The following NAA11 variants were observed in gnomAD, a reference collection of about 807,000 sequenced individuals.
The protein encoded by NAA11 is N-alpha-acetyltransferase 11, NatA catalytic subunit, also known as N-alpha-acetyltransferase 11.
A neutral mutation model predicts 16.1 loss-of-function variants in NAA11; 15 were observed. The observed-to-expected ratio is 0.93, with a 90% CI of 0.62 to 1.44. NAA11 has a LOEUF of 1.44. Ranked by LOEUF, NAA11 falls within the 40% of genes most tolerant of loss-of-function variation. NAA11 has a pLI of 0.00. For missense variants in NAA11, 298 were observed against 291.3 expected (o/e 1.02, Z -0.17); for synonymous variants, 122 against 112.4 (o/e 1.09, Z -0.54).
chr4:79,301,757 A>G (rs1443144196), intron 1 of NAA11, among the ~76,000 whole-genome samples: 1 of 152,210 alleles, frequency 6.6e-6, no homozygotes, highest in Non-Finnish European at 1.5e-5. Context: ...AGCCAAATCC[A>G]TTTTATAATA....
chr4:79,195,926 C>G, the NAA11 span: 1 of 153,126 alleles, frequency 6.5e-6, no homozygotes, highest in Non-Finnish European at 1.5e-5. Context: ...GCCAGCCATG[C>G]TGAACTGTGA....
intron 2 of NAA11, among the ~76,000 whole-genome samples, chr4:79,228,516 C>A (rs193023758): frequency 6.6e-6 from 1 of 151,918 alleles, no homozygotes; most frequent in Non-Finnish European, 1.5e-5. Context: ...CACTTTATGT[C>A]CCTAACATTT....
the NAA11 span, among the ~76,000 whole-genome samples, chr4:79,203,760 T>C: frequency 6.6e-6 from 1 of 151,288 alleles, no homozygotes; most frequent in Non-Finnish European, 1.5e-5. Flanking sequence ...AAAAAGCAAG[T>C]AAACTGAAAA....
downstream of NAA11, among the ~76,000 whole-genome samples, chr4:79,311,939 C>T (rs904231286): frequency 2.6e-5 from 4 of 152,176 alleles, no homozygotes; most frequent in Non-Finnish European, 5.9e-5. Context: ...TCTCAAGTTC[C>T]ATATGTATGC....
intron 1 of NAA11, among the ~76,000 whole-genome samples, chr4:79,321,139 T>A (rs1273610687): frequency 6.6e-6 from 1 of 152,216 alleles, no homozygotes; most frequent in Non-Finnish European, 1.5e-5. Flanking sequence ...CAGGTGTTTA[T>A]GTAGACAACC....
intron 2 of NAA11, among the ~76,000 whole-genome samples, chr4:79,253,639 G>T (rs1158789681): frequency 1.3e-5 from 2 of 152,154 alleles, no homozygotes; most frequent in African/African-American, 4.8e-5. Flanking sequence ...TTTCAACAAA[G>T]AACTAGAAGT....
At chr4:79,257,950 C>T (rs1377416785) in intron 2 of NAA11, among the ~76,000 whole-genome samples, 1 of 152,194 alleles carries the variant, frequency 6.6e-6, no homozygotes, top group East Asian at 1.9e-4. Context: ...CACTACAAGA[C>T]AATATGAAGC....
At chr4:79,263,317 C>A (rs1291871865) in intron 2 of NAA11, among the ~76,000 whole-genome samples, 1 of 151,922 alleles carries the variant, frequency 6.6e-6, no homozygotes, top group African/African-American at 2.4e-5. Flanking sequence ...TGGATGTGTA[C>A]AAGTATGAGG....
rs1011922022 is a variant in NAA11, at chr4:79,291,584, C to T, written c.*122+2421G>A. On this transcript the variant is annotated intron_variant and NMD_transcript_variant, in intron 2 of 2. Transcript: ENST00000511542. ...TACTAAAAATACAAAATCAGCTGGG[C>T]GTGGTGGTGCATGCCTGTAATCCCA... Among the ~76,000 whole-genome samples the T allele has an allele frequency of 5.3e-5, 8 of 151,974 alleles. No homozygotes were observed. In the South Asian group the frequency reaches 6.2e-4, roughly 12 times the overall value.
At chr4:79,315,032 T>C (rs150564923), downstream of NAA11, among the ~76,000 whole-genome samples, 1 of 152,256 alleles carries the variant, frequency 6.6e-6, no homozygotes, top group African/African-American at 2.4e-5. Context: ...TAATCTATTA[T>C]TAAATGACCT....
At chr4:79,203,729 A>G in the NAA11 span, among the ~76,000 whole-genome samples, 2 of 151,976 alleles carry the variant, frequency 1.3e-5, no homozygotes, top group East Asian at 3.9e-4. Flanking sequence ...TATTAAAAAT[A>G]TCAGAAAATA....
chr4:79,217,072 T>A, the NAA11 span, among the ~76,000 whole-genome samples: 6 of 152,192 alleles, frequency 3.9e-5, no homozygotes. Flanking sequence ...TCCATGTGGT[T>A]TTATGGTAGA....
intron 2 of NAA11, among the ~76,000 whole-genome samples, chr4:79,247,033 G>A (rs1014484266): frequency 6.6e-6 from 1 of 152,166 alleles, no homozygotes; most frequent in Non-Finnish European, 1.5e-5. Flanking sequence ...AGGAATGTGA[G>A]TGAGGTCAAA....
rs17003703 is a variant in NAA11 at position 79,280,071 on chromosome 4, G to A, written c.*122+13934C>T. Among the ~76,000 whole-genome samples the A allele has an allele frequency of 6.2e-3, 944 of 152,100 alleles. 8 individuals carry two copies. Among genetic ancestry groups the A allele is most frequent in the African/African-American group, 0.021 (870 of 41,508 alleles). ...TGCTGCTCCACAAGGAGGCCACAACGGAGTCATTTTTTAAAGGACCTATAA... is the reference window on the plus strand; with the variant it reads ...TGCTGCTCCACAAGGAGGCCACAACAGAGTCATTTTTTAAAGGACCTATAA... On this transcript the variant is annotated intron_variant and NMD_transcript_variant, in intron 2 of 2. Transcript: ENST00000511542.
intron 2 of NAA11, among the ~76,000 whole-genome samples, chr4:79,288,376 A>G (rs1162380912): frequency 6.6e-6 from 1 of 152,236 alleles, no homozygotes; most frequent in African/African-American, 2.4e-5. Flanking sequence ...TTGTAAGAAA[A>G]AAAACATTAT....
At chr4:79,229,121 T>C (rs1247673503) in intron 2 of NAA11, among the ~76,000 whole-genome samples, 1 of 152,048 alleles carries the variant, frequency 6.6e-6, no homozygotes, top group East Asian at 1.9e-4. Context: ...TGGTGTTATA[T>C]GTAAGAAATC....
At chr4:79,157,629 A>G in the NAA11 span, among the ~76,000 whole-genome samples, 1 of 152,146 alleles carries the variant, frequency 6.6e-6, no homozygotes, top group Admixed American at 6.5e-5. Flanking sequence ...ATATGTATAT[A>G]TACCAAAGCC....
At chr4:79,281,549 C>T (rs892210720) in intron 2 of NAA11, among the ~76,000 whole-genome samples, 2 of 151,944 alleles carry the variant, frequency 1.3e-5, no homozygotes, top group South Asian at 2.1e-4. Context: ...TCTTTGTTGT[C>T]GAGTCCATAT....
chr4:79,159,267 G>A, the NAA11 span, among the ~76,000 whole-genome samples: 1 of 152,028 alleles, frequency 6.6e-6, no homozygotes, highest in African/African-American at 2.4e-5. Context: ...ATCAAAAAGT[G>A]GGCTAAGGAT....
Sources: allele counts gnomAD v4.1 joint callset (sites outside exome capture counted in the v4.1 genomes callset), GRCh38; gene constraint gnomAD v4.1.1; transcripts MANE v1.5; gene names NCBI Gene and HGNC (gene_info 2026-07-23, HGNC 2026-07-21).